The following PDE1A variants were observed in gnomAD, a reference collection of about 807,000 sequenced individuals.
The protein encoded by PDE1A is dual specificity calcium/calmodulin-dependent 3',5'-cyclic nucleotide phosphodiesterase 1A.
Under a neutral mutation model 61.7 loss-of-function variants are expected in PDE1A, and 35 were observed. The ratio of observed to expected loss-of-function variants is 0.57; its 90% CI spans 0.43 to 0.75. The LOEUF is 0.75. PDE1A is among the 30% of genes least tolerant of loss of function. PDE1A has a pLI of 0.00. For synonymous variants in PDE1A, 232 were observed against 213.2 expected (o/e 1.09, Z -0.77); for missense variants, 597 against 630.6 (o/e 0.95, Z 0.57).
the PDE1A span, among the ~76,000 whole-genome samples, chr2:182,569,481 C>T: frequency 1.8e-4 from 27 of 152,108 alleles, no homozygotes; most frequent in African/African-American, 5.1e-4. Flanking sequence ...GGGTCTAAGA[C>T]GCTCATTGAG....
At position 182,201,683 on chromosome 2, in the gene PDE1A, C is replaced by T. The variant is rs777249371; in HGVS notation, c.1004+5G>A. On this transcript the variant is annotated splice_donor_5th_base_variant and intron_variant, in intron 9 of 13. Transcript: ENST00000351439. ...AAAAAACAACAAAAAAAACACAAAA[C>T]CTACCCTTCAGGCTGCTGCAAACTG... The T allele has an allele frequency of 4.6e-6, 7 of 1,529,482 alleles. No individual in the cohort carries two copies. The highest frequency in any genetic ancestry group is 1.8e-6 in the Non-Finnish European group (2 of 1,129,120). 94.7% of individuals were successfully genotyped at this position (1,529,482 alleles called of 1,614,324 possible).
chr2:182,426,892 T>C, exon 1 of PDE1A: 1 of 1,261,374 alleles, frequency 7.9e-7, no homozygotes, highest in Non-Finnish European at 1.0e-6. Context: ...GTCACGTTGA[T>C]CCAGGCAAGA....
At chr2:182,390,541 C>G (rs1461597595) in intron 1 of PDE1A, among the ~76,000 whole-genome samples, 1 of 152,144 alleles carries the variant, frequency 6.6e-6, no homozygotes, top group African/African-American at 2.4e-5. Flanking sequence ...GATTCTAATT[C>G]CTGGCTCCAG....
the PDE1A span, among the ~76,000 whole-genome samples, chr2:182,551,052 C>CAA: frequency 0.35 from 49,109 of 138,422 alleles, 9,578 homozygotes; most frequent in East Asian, 0.56. Flanking sequence ...TCAGCAAATA[C>CAA]AAAAAAAAAA....
At chr2:182,706,981 A>G in the PDE1A span, among the ~76,000 whole-genome samples, 1 of 152,218 alleles carries the variant, frequency 6.6e-6, no homozygotes, top group Admixed American at 6.5e-5. Flanking sequence ...TCACTTCTAC[A>G]ATAATCCACT....
At chr2:182,377,219 G>A (rs1001317562) in intron 1 of PDE1A, among the ~76,000 whole-genome samples, 3 of 152,134 alleles carry the variant, frequency 2.0e-5, no homozygotes, top group Admixed American at 6.5e-5. Flanking sequence ...CATGAGGGTG[G>A]CTCCCTCCTG....
At chr2:182,196,226 C>T (rs1337407919) in intron 10 of PDE1A, among the ~76,000 whole-genome samples, 1 of 151,888 alleles carries the variant, frequency 6.6e-6, no homozygotes, top group Non-Finnish European at 1.5e-5. Context: ...ATTTGAAAAT[C>T]GTTTACTTTT....
intron 2 of PDE1A, among the ~76,000 whole-genome samples, chr2:182,242,860 T>C (rs929992951): frequency 6.6e-6 from 1 of 150,898 alleles, no homozygotes; most frequent in Non-Finnish European, 1.5e-5. Context: ...TATCTCGCTC[T>C]CTCTCTCCTC....
chr2:182,404,915 A>G (rs1381186162), intron 1 of PDE1A, among the ~76,000 whole-genome samples: 1 of 152,212 alleles, frequency 6.6e-6, no homozygotes, highest in Non-Finnish European at 1.5e-5. Context: ...AAATAACAAT[A>G]AAAAGTATAG....
chr2:182,527,452 G>T (rs892870651), upstream of PDE1A, among the ~76,000 whole-genome samples: 26 of 147,220 alleles, frequency 1.8e-4, no homozygotes, highest in African/African-American at 4.3e-4. Flanking sequence ...CTGCTACTTG[G>T]GGGGCTGAGG....
chr2:182,605,127 C>A, the PDE1A span, among the ~76,000 whole-genome samples: 1 of 151,506 alleles, frequency 6.6e-6, no homozygotes, highest in Non-Finnish European at 1.5e-5. Context: ...TTGACCTTAA[C>A]AATTCATTTC....
chr2:182,273,417 C>T (rs1032972393), intron 1 of PDE1A, among the ~76,000 whole-genome samples: 2 of 151,570 alleles, frequency 1.3e-5, no homozygotes, highest in Admixed American at 6.6e-5. Context: ...CAGTTCTAGG[C>T]TCTTTTAGGC....
At chr2:182,349,124 GTT>G (rs1698702920) in intron 1 of PDE1A, among the ~76,000 whole-genome samples, 1 of 152,130 alleles carries the variant, frequency 6.6e-6, no homozygotes, top group South Asian at 2.1e-4. Context: ...TGACTGCTAA[GTT>G]TATTTAGTTA....
At chr2:182,525,179 C>T (rs1690759602), upstream of PDE1A, among the ~76,000 whole-genome samples, 2 of 152,080 alleles carry the variant, frequency 1.3e-5, no homozygotes, top group South Asian at 4.1e-4. Context: ...AAACAGTTAT[C>T]TGGCACATAA....
chr2:182,515,536 T>C (rs1002953102), intron 2 of PDE1A, among the ~76,000 whole-genome samples: 9 of 152,236 alleles, frequency 5.9e-5, no homozygotes, highest in Non-Finnish European at 1.3e-4. Context: ...TTAATAATGT[T>C]AGTTCTATAA....
chr2:182,190,487 C>A (rs1279847562), intron 10 of PDE1A, among the ~76,000 whole-genome samples: 1 of 151,160 alleles, frequency 6.6e-6, no homozygotes, highest in African/African-American at 2.4e-5. Context: ...CACAGCACAG[C>A]CTTTGCTGAA....
intron 1 of PDE1A, among the ~76,000 whole-genome samples, chr2:182,306,280 T>C (rs1695578344): frequency 1.3e-5 from 2 of 152,168 alleles, no homozygotes. Flanking sequence ...TTGTAAGTCA[T>C]GCTGCAGTGA....
the PDE1A span, among the ~76,000 whole-genome samples, chr2:182,562,552 G>T: frequency 6.6e-6 from 1 of 152,124 alleles, no homozygotes; most frequent in East Asian, 1.9e-4. Context: ...TTTGGTATCA[G>T]GATGATGCTG....
At chr2:182,644,219 C>G in the PDE1A span, among the ~76,000 whole-genome samples, 3 of 139,944 alleles carry the variant, frequency 2.1e-5, no homozygotes, top group Non-Finnish European at 4.6e-5. Context: ...TGACTTAAAT[C>G]TGGGCTTTTA....
Sources: allele counts gnomAD v4.1 joint callset (sites outside exome capture counted in the v4.1 genomes callset), GRCh38; gene constraint gnomAD v4.1.1; transcripts MANE v1.5; gene names NCBI Gene and HGNC (gene_info 2026-07-23, HGNC 2026-07-21).